PPP1R9A: variants seen among roughly 807,000 people sequenced by gnomAD.
PPP1R9A encodes the protein neurabin-1.
In PPP1R9A, 59 loss-of-function variants were observed where a neutral mutation model predicts 141.9. The ratio of observed to expected loss-of-function variants is 0.42; its 90% CI spans 0.34 to 0.52. The LOEUF is 0.52. Ranked by LOEUF, PPP1R9A falls within the 20% of genes least tolerant of loss-of-function variation. The probability of loss-of-function intolerance (pLI) is 0.10; values close to 1 mark genes in which losing one functional copy is unlikely to be tolerated. For missense variants in PPP1R9A, 1,444 were observed against 1,611.9 expected (o/e 0.90, Z 1.78); for synonymous variants, 500 against 569.7 (o/e 0.88, Z 1.74).
intron 8 of PPP1R9A, among the ~76,000 whole-genome samples, chr7:95,236,055 A>G (rs920129137): frequency 6.6e-6 from 1 of 152,188 alleles, no homozygotes; most frequent in Non-Finnish European, 1.5e-5. Flanking sequence ...TGCTCAGGTG[A>G]TGGGTTTACC....
intron 5 of PPP1R9A, among the ~76,000 whole-genome samples, chr7:95,190,649 G>A (rs1009369506): frequency 6.6e-6 from 1 of 152,178 alleles, no homozygotes. Flanking sequence ...TAAGTTGGTC[G>A]GCCTCCATCC....
intron 8 of PPP1R9A, among the ~76,000 whole-genome samples, chr7:95,232,538 A>G (rs555078324): frequency 1.3e-3 from 202 of 152,330 alleles, no homozygotes; most frequent in Non-Finnish European, 2.4e-3. Context: ...TAACTAATCT[A>G]AAGAGCTTCT....
chr7:95,226,854 A>G (rs1308616092), intron 8 of PPP1R9A, among the ~76,000 whole-genome samples: 2 of 152,202 alleles, frequency 1.3e-5, no homozygotes, highest in Admixed American at 6.6e-5. Flanking sequence ...AAATGTGGAT[A>G]ACTCTTCCAA....
At chr7:95,029,795 A>G (rs1286119505) in intron 2 of PPP1R9A, among the ~76,000 whole-genome samples, 2 of 151,108 alleles carry the variant, frequency 1.3e-5, no homozygotes, top group Non-Finnish European at 2.9e-5. Flanking sequence ...TATTTTAGAC[A>G]TGTGTTTGAT....
At chr7:95,045,390 T>TTTTCTTACCTTTACCTTG (rs1185630698) in intron 2 of PPP1R9A, among the ~76,000 whole-genome samples, 2 of 152,224 alleles carry the variant, frequency 1.3e-5, no homozygotes, top group African/African-American at 4.8e-5. Flanking sequence ...CTTGTTTACC[T>TTTTCTTACCTTTACCTTG]TTTCCCATCT....
intron 2 of PPP1R9A, among the ~76,000 whole-genome samples, chr7:94,923,282 G>A (rs1197606481): frequency 6.6e-6 from 1 of 152,106 alleles, no homozygotes. Flanking sequence ...CAAACACTGG[G>A]TATAATGAAT....
chr7:95,216,526 G>C (rs921836208), intron 7 of PPP1R9A, among the ~76,000 whole-genome samples: 28 of 152,268 alleles, frequency 1.8e-4, no homozygotes, highest in Admixed American at 1.7e-3. Flanking sequence ...GCTTGATGGG[G>C]ATGGCATTGA....
chr7:95,178,720 A>C (rs1833268606), intron 5 of PPP1R9A, among the ~76,000 whole-genome samples: 3 of 152,196 alleles, frequency 2.0e-5, no homozygotes. Flanking sequence ...ACAGAAATAC[A>C]AAAGATCATT....
At chr7:95,147,232 T>C (rs908647582) in intron 4 of PPP1R9A, among the ~76,000 whole-genome samples, 4 of 152,216 alleles carry the variant, frequency 2.6e-5, no homozygotes, top group Non-Finnish European at 5.9e-5. Context: ...GTTGTATTCC[T>C]AGATATTTTA....
In PPP1R9A at chr7:95,050,587, C is replaced by T. The variant is rs548665374; in HGVS notation, c.1396-60672C>T. 1.9e-3 allele frequency among the ~76,000 whole-genome samples: 294 copies of T among 152,134 alleles called. 2 individuals carry two copies. The highest frequency in any genetic ancestry group is 6.6e-3 in the African/African-American group (275 of 41,504). ...TAATAAAAATGCAAAATTAGCTGGG[C>T]GTGGTGATGCATGCCTGTAATTCCA... On this transcript the variant is annotated intron_variant, in intron 2 of 19. Transcript: ENST00000433360.
intron 2 of PPP1R9A, among the ~76,000 whole-genome samples, chr7:94,972,803 T>C (rs1476196091): frequency 2.0e-5 from 3 of 152,196 alleles, no homozygotes; most frequent in Non-Finnish European, 4.4e-5. Flanking sequence ...CTATTAAGTG[T>C]TGCCAAGTCA....
intron 4 of PPP1R9A, among the ~76,000 whole-genome samples, chr7:95,137,568 T>G (rs1386046213): frequency 6.6e-6 from 1 of 151,954 alleles, no homozygotes; most frequent in Non-Finnish European, 1.5e-5. Flanking sequence ...GGCAGGTAAA[T>G]AAATGGAAAC....
At chr7:95,259,531 C>T (rs941664221) in intron 12 of PPP1R9A, among the ~76,000 whole-genome samples, 2 of 152,036 alleles carry the variant, frequency 1.3e-5, no homozygotes, top group Non-Finnish European at 2.9e-5. Context: ...AAATCATTTC[C>T]TTTGTCCTTT....
At chr7:94,920,575 T>C (rs971617513) in intron 2 of PPP1R9A, among the ~76,000 whole-genome samples, 1 of 152,192 alleles carries the variant, frequency 6.6e-6, no homozygotes, top group Non-Finnish European at 1.5e-5. Context: ...CAAGTATTTA[T>C]GGATAATGGT....
chr7:94,953,339 C>T (rs1030934061), intron 2 of PPP1R9A, among the ~76,000 whole-genome samples: 1 of 150,726 alleles, frequency 6.6e-6, no homozygotes, highest in Non-Finnish European at 1.5e-5. Context: ...GGTAGCAGTA[C>T]CATGCTGTTT....
intron 2 of PPP1R9A, among the ~76,000 whole-genome samples, chr7:95,033,653 A>G (rs1031012589): frequency 6.6e-6 from 1 of 152,154 alleles, no homozygotes; most frequent in Non-Finnish European, 1.5e-5. Context: ...TTGTGTTCAC[A>G]TTAAGTCCTG....
At chr7:94,954,422 C>T (rs1046535583) in intron 2 of PPP1R9A, among the ~76,000 whole-genome samples, 21 of 151,828 alleles carry the variant, frequency 1.4e-4, no homozygotes, top group Admixed American at 1.4e-3. Context: ...TCCTTATGTA[C>T]TTATATGCCA....
At chr7:95,240,598 T>C (rs1274536709) in intron 8 of PPP1R9A, among the ~76,000 whole-genome samples, 2 of 152,122 alleles carry the variant, frequency 1.3e-5, no homozygotes, top group African/African-American at 4.8e-5. Context: ...ATGTATAGTT[T>C]ACTGTCTTTA....
chr7:94,919,350 G>A (rs1004589695), intron 2 of PPP1R9A, among the ~76,000 whole-genome samples: 2 of 108,960 alleles, frequency 1.8e-5, no homozygotes, highest in African/African-American at 3.4e-5. Context: ...TTGCTATATT[G>A]TCTAGGCTGG....
Sources: gnomAD v4.1 joint callset for allele counts (sites outside exome capture counted in the v4.1 genomes callset) on GRCh38, gnomAD v4.1.1 for gene constraint, MANE v1.5 for transcripts, NCBI Gene and HGNC (gene_info 2026-07-23, HGNC 2026-07-21) for gene names.